Variants in RBFOX1 observed in about 807,000 individuals in gnomAD.
RBFOX1 encodes RNA binding protein fox-1 homolog 1.
Under a neutral mutation model 57.7 loss-of-function variants are expected in RBFOX1, and 8 were observed. The ratio of observed to expected loss-of-function variants is 0.14; its 90% CI spans 0.08 to 0.25. RBFOX1 has a LOEUF of 0.25. Ranked by LOEUF, RBFOX1 falls within the 10% of genes least tolerant of loss-of-function variation. The pLI is 1.00. For synonymous variants in RBFOX1, 326 were observed against 222.4 expected, an observed-to-expected ratio of 1.47 and a Z score of -4.15; for missense variants, 611 against 548.5, an observed-to-expected ratio of 1.11 and a Z score of -1.14.
chr16:6,788,890 C>G (rs1183245921), intron 3 of RBFOX1, among the ~76,000 whole-genome samples: 3 of 152,150 alleles, frequency 2.0e-5, no homozygotes, highest in Admixed American at 2.0e-4. Flanking sequence ...CTGTAGCTAA[C>G]TCTCTGCTCT....
chr16:6,945,156 G>A (rs929843898), intron 3 of RBFOX1, among the ~76,000 whole-genome samples: 1 of 152,102 alleles, frequency 6.6e-6, no homozygotes, highest in Admixed American at 6.5e-5. Flanking sequence ...AGGGATGAGA[G>A]TATGGGGAAA....
rs532666632 is a variant in RBFOX1, at chr16:5,735,777, G to A, written c.319-131526G>A. ...CTGTAATCCTGCTACTCTGGAGGCT[G>A]AAGCAGGAGAATCGCTTGAACTCGG... On this transcript the variant is annotated intron_variant, in intron 3 of 19. Transcript: ENST00000641259. Among the ~76,000 whole-genome samples the A allele has an allele frequency of 5.9e-5, 9 of 152,242 alleles. No homozygotes were observed. The South Asian group carries it at 1.9e-3, about 32-fold the overall frequency.
Position 7,308,297 on chromosome 16 carries a change from G to GTTTTT in RBFOX1, c.28-209841_28-209837dup, listed in dbSNP as rs34533950. ...TGCGTGTCAGATTCCACCCAGAGCTGTTTTTTTTTTTTTCCACTGAGTTTA... is the reference window on the plus strand; with the variant it reads ...TGCGTGTCAGATTCCACCCAGAGCTGTTTTTTTTTTTTTTTTTTCCACTGAGTTTA... On this transcript the variant is annotated intron_variant, in intron 4 of 15. Transcript: ENST00000550418. 9.8e-3 allele frequency among the ~76,000 whole-genome samples: 1,410 copies of GTTTTT among 144,560 alleles called. 25 individuals carry two copies. Among genetic ancestry groups the GTTTTT allele is most frequent in the East Asian group, 0.028 (136 of 4,814 alleles). The allele number at this position is 144,560 out of a possible 152,430, so 94.8% of individuals were successfully genotyped here. A position where few individuals can be genotyped will look rare whatever the true frequency, so the allele number is the denominator to read the frequency against.
In RBFOX1 at chr16:5,711,829, C is replaced by G. The variant is rs528784027; in HGVS notation, c.318+112868C>G. Among the ~76,000 whole-genome samples the G allele has an allele frequency of 3.3e-5, 5 of 152,278 alleles. 1 individual carries two copies. The South Asian group carries it at 1.0e-3, about 32-fold the overall frequency. On this transcript the variant is annotated intron_variant, in intron 3 of 19. Transcript: ENST00000641259. ...CAGCACTTGACAGGCTGGAGACTTT[C>G]CAGAAAATGATGATGGTGATGACAA...
rs557832971 is a variant in RBFOX1 at position 7,299,937 on chromosome 16, A to C, written c.28-218210A>C. 3.9e-5 allele frequency among the ~76,000 whole-genome samples: 6 copies of C among 152,358 alleles called. No homozygotes were observed. In the East Asian group the frequency reaches 1.2e-3, roughly 29 times the overall value. On this transcript the variant is annotated intron_variant, in intron 4 of 15. Coordinates refer to ENST00000550418, the MANE Select transcript of RBFOX1 (RefSeq NM_018723.4). ...TTTTCACCTTACCATGGATTTATCC[A>C]GATGTGACCCCATCGCAAGTCAGGG... is the stretch of plus-strand genomic sequence containing the variant.
chr16:6,300,702 G>A (rs1182910352), intron 1 of RBFOX1, among the ~76,000 whole-genome samples: 1 of 152,090 alleles, frequency 6.6e-6, no homozygotes. Context: ...CGTGCATCTA[G>A]CTTGTAGCCC....
At chr16:5,506,233 A>G (rs2043373202) in intron 2 of RBFOX1, among the ~76,000 whole-genome samples, 1 of 152,204 alleles carries the variant, frequency 6.6e-6, no homozygotes, top group Non-Finnish European at 1.5e-5. Flanking sequence ...CTACACCAGT[A>G]CTGAGCACTG....
chr16:6,860,088 G>T (rs1415425653), intron 3 of RBFOX1, among the ~76,000 whole-genome samples: 1 of 152,162 alleles, frequency 6.6e-6, no homozygotes, highest in Non-Finnish European at 1.5e-5. Context: ...TTGGAATTGT[G>T]TACTATTTTT....
intron 3 of RBFOX1, among the ~76,000 whole-genome samples, chr16:7,001,548 C>T (rs1240876018): frequency 6.6e-6 from 1 of 151,998 alleles, no homozygotes; most frequent in Non-Finnish European, 1.5e-5. Context: ...CCTCCGCCTC[C>T]CGGGTTCAAG....
At chr16:5,545,102 G>A (rs562285149) in intron 2 of RBFOX1, among the ~76,000 whole-genome samples, 3 of 151,402 alleles carry the variant, frequency 2.0e-5, no homozygotes, top group Admixed American at 6.6e-5. Flanking sequence ...TCAGCCTTCC[G>A]AGTAGCTGGG....
intron 4 of RBFOX1, among the ~76,000 whole-genome samples, chr16:7,178,647 T>G (rs1032357602): frequency 4.6e-5 from 7 of 152,182 alleles, no homozygotes; most frequent in African/African-American, 1.7e-4. Flanking sequence ...TCTTTAGACC[T>G]GGGGTCAGGC....
chr16:6,571,175 A>C (rs2097339606), intron 2 of RBFOX1, among the ~76,000 whole-genome samples: 1 of 152,180 alleles, frequency 6.6e-6, no homozygotes. Flanking sequence ...TTTGACAACT[A>C]CAAACAAAAG....
intron 3 of RBFOX1, among the ~76,000 whole-genome samples, chr16:6,909,606 C>T (rs1381417078): frequency 6.6e-6 from 1 of 152,216 alleles, no homozygotes; most frequent in Non-Finnish European, 1.5e-5. Context: ...CATGTAATCT[C>T]CCCAAGCCTG....
intron 3 of RBFOX1, among the ~76,000 whole-genome samples, chr16:6,813,878 G>T (rs913966644): frequency 1.1e-4 from 17 of 152,160 alleles, no homozygotes; most frequent in African/African-American, 3.9e-4. Context: ...CCAGCCCCTT[G>T]TTAGGTAATG....
chr16:6,762,401 C>T (rs575298655), intron 3 of RBFOX1, among the ~76,000 whole-genome samples: 10 of 152,100 alleles, frequency 6.6e-5, no homozygotes, highest in Non-Finnish European at 1.0e-4. Flanking sequence ...TATTAGCAAA[C>T]AGTACTTAAT....
intron 4 of RBFOX1, among the ~76,000 whole-genome samples, chr16:7,131,874 C>A (rs2070512804): frequency 6.6e-6 from 1 of 151,994 alleles, no homozygotes. Flanking sequence ...AGGGGCACAT[C>A]TTAGCTTCTA....
chr16:5,553,074 T>G (rs75764882), intron 2 of RBFOX1, among the ~76,000 whole-genome samples: 2 of 152,040 alleles, frequency 1.3e-5, no homozygotes, highest in Non-Finnish European at 2.9e-5. Flanking sequence ...TAGGTGGGAA[T>G]TGAACAATGA....
chr16:6,387,073 C>G (rs1351429999), intron 2 of RBFOX1, among the ~76,000 whole-genome samples: 2 of 152,158 alleles, frequency 1.3e-5, no homozygotes, highest in Non-Finnish European at 2.9e-5. Flanking sequence ...GGGGAAATGA[C>G]TAAAGTCTTG....
chr16:5,907,620 C>T (rs2058492397), intron 4 of RBFOX1, among the ~76,000 whole-genome samples: 1 of 152,114 alleles, frequency 6.6e-6, no homozygotes, highest in Non-Finnish European at 1.5e-5. Flanking sequence ...GTAACAACCC[C>T]TGAGTAGGAC....
Sources: allele counts gnomAD v4.1 joint callset (sites outside exome capture counted in the v4.1 genomes callset), GRCh38; gene constraint gnomAD v4.1.1; transcripts MANE v1.5; gene names NCBI Gene and HGNC (gene_info 2026-07-23, HGNC 2026-07-21).